The following ZNF791 variants were observed in gnomAD, a reference collection of about 807,000 sequenced individuals.
ZNF791 encodes the protein zinc finger protein 791.
ZNF791 carries 4 observed loss-of-function variants against 11.5 expected under a neutral mutation model. The ratio of observed to expected loss-of-function variants is 0.35; its 90% CI spans 0.17 to 0.80. The LOEUF is 0.80. Ranked by LOEUF, ZNF791 falls within the 30% of genes least tolerant of loss-of-function variation. ZNF791 has a pLI of 0.53. For synonymous variants in ZNF791, 212 were observed against 228.1 expected, an observed-to-expected ratio of 0.93 and a Z score of 0.64; for missense variants, 559 against 699.4, an observed-to-expected ratio of 0.80 and a Z score of 2.26.
chr19:12,628,488 G>T lies in ZNF791; in HGVS notation c.959G>T (p.Arg320Ile), dbSNP rs771632351. Residue 320 changes from arginine to isoleucine, a missense_variant, in exon 4 of 4, where the codon AGA becomes ATA. By Grantham distance (97) the Arg-to-Ile change is moderately conservative. Coordinates refer to ENST00000343325, the MANE Select transcript of ZNF791 (RefSeq NM_153358.3). ...RCSTSIQIHERIHTGEKPYKC... is the reference protein window; with the variant it reads ...RCSTSIQIHEIIHTGEKPYKC... Reference sequence around the variant, plus strand: ...TCCACCTCCATTCAAATTCATGAAAGAATTCATACTGGAGAGAAGCCCTAT... The same window carrying T: ...TCCACCTCCATTCAAATTCATGAAATAATTCATACTGGAGAGAAGCCCTAT... 5.6e-6 allele frequency: 9 copies of T among 1,612,612 alleles called. No individual in the cohort carries two copies. Among genetic ancestry groups the T allele is most frequent in the East Asian group, 2.2e-5 (1 of 44,862 alleles).
chr19:12,627,072 A>G (rs2023440414), intron 3 of ZNF791, among the ~76,000 whole-genome samples: 1 of 150,758 alleles, frequency 6.6e-6, no homozygotes, highest in African/African-American at 2.4e-5. Context: ...TCCCAGCTAC[A>G]TGGGAGGCTG....
chr19:12,628,330 C>T lies in ZNF791; in HGVS notation c.801C>T (p.Asn267=), dbSNP rs769282769. ...TTCTAACACACATGATAACACACAA[C>T]GGAGATAGACCTTATAAATGCAAAG... ...TSVLTHMITH[N]GDRPYKCKEC... is the part of the protein sequence containing the mutation. Residue 267 remains asparagine, a synonymous_variant, in exon 4 of 4, where the codon AAC becomes AAT. Transcript: ENST00000343325. 75 of 1,611,290 alleles carry T rather than the reference C, an allele frequency of 4.7e-5. 1 individual carries two copies. Among genetic ancestry groups the T allele is most frequent in the East Asian group, 4.3e-4 (19 of 44,702 alleles).
At chr19:12,615,501 C>A (rs2023233417) in intron 1 of ZNF791, among the ~76,000 whole-genome samples, 1 of 152,088 alleles carries the variant, frequency 6.6e-6, no homozygotes, top group Admixed American at 6.6e-5. Context: ...ATTGTACCGG[C>A]CGGGCACGAT....
chr19:12,613,729 A>G (rs1044607722), intron 1 of ZNF791, among the ~76,000 whole-genome samples: 2 of 152,158 alleles, frequency 1.3e-5, no homozygotes, highest in Non-Finnish European at 2.9e-5. Flanking sequence ...TGAAGGCCCA[A>G]TTGGTTCTTC....
chr19:12,616,657 C>A (rs1599321100), intron 1 of ZNF791, among the ~76,000 whole-genome samples: 1 of 152,002 alleles, frequency 6.6e-6, no homozygotes, highest in Non-Finnish European at 1.5e-5. Flanking sequence ...TGCACCACTG[C>A]ACTCCACCCT....
At chr19:12,623,878 G>GGGGC in intron 2 of ZNF791, 52 bp downstream of exon 2, 1 of 917,958 alleles carries the variant, frequency 1.1e-6, no homozygotes, top group Non-Finnish European at 1.6e-6. Flanking sequence ...TTTGGGGGGG[G>GGGGC]ACAGAGTTTC....
Position 12,631,072 on chromosome 19 carries a change from T to C in ZNF791, c.*1812T>C, listed in dbSNP as rs1373867318. 6.6e-6 allele frequency: 1 copy of C among 152,226 alleles called. No homozygotes were observed. Among genetic ancestry groups the C allele is most frequent in the African/African-American group, 2.4e-5 (1 of 41,462 alleles). 9.4% of individuals were successfully genotyped at this position (152,226 alleles called of 1,614,324 possible). ...ACTCACCCAGAGCAACTTCTAGTCC[T>C]GCAAGCTATGTTCATGGAGTGTCCT... On this transcript the variant is annotated 3_prime_UTR_variant, in exon 4 of 4. Transcript: ENST00000343325.
chr19:12,615,012 C>T (rs1409292754), intron 1 of ZNF791, among the ~76,000 whole-genome samples: 7 of 49,880 alleles, frequency 1.4e-4, no homozygotes, highest in Admixed American at 2.8e-4. Context: ...CTATGTTCAA[C>T]TTTTTTTTTT....
chr19:12,621,151 C>T (rs2145186152), intron 1 of ZNF791, among the ~76,000 whole-genome samples: 1 of 152,182 alleles, frequency 6.6e-6, no homozygotes, highest in Non-Finnish European at 1.5e-5. Context: ...TCAGTGAAGT[C>T]CCCTGAAAAT....
In ZNF791 at chr19:12,623,746, A is replaced by C. The variant is rs148336286; in HGVS notation, c.50A>C (p.Glu17Ala). ...EDVSVSFSQE[E>A]WALLAPSQKK... is the part of the protein sequence containing the mutation. ...GTGTCTGTGAGCTTCAGCCAGGAGG[A>C]GTGGGCTCTGCTGGCTCCTTCACAG... The change falls in exon 2 of 4, where the codon GAG becomes GCG. Residue 17 changes from glutamate (E) to alanine (A), a missense_variant. Coordinates refer to ENST00000343325, the MANE Select transcript of ZNF791 (RefSeq NM_153358.3). 2 of 1,612,830 alleles carry C rather than the reference A, an allele frequency of 1.2e-6. No homozygotes were observed. Among genetic ancestry groups the C allele is most frequent in the East Asian group, 2.2e-5 (1 of 44,856 alleles).
chr19:12,615,037 T>TTTTG (rs57667202), intron 1 of ZNF791, among the ~76,000 whole-genome samples: 1 of 134,942 alleles, frequency 7.4e-6, no homozygotes, highest in Admixed American at 7.5e-5. Flanking sequence ...TTTTTTTTTT[T>TTTTG]GAGACAGGGT....
At chr19:12,618,930 C>T (rs1203928385) in intron 1 of ZNF791, among the ~76,000 whole-genome samples, 1 of 151,172 alleles carries the variant, frequency 6.6e-6, no homozygotes, top group East Asian at 2.0e-4. Context: ...TCACTGCAAC[C>T]TCCGCCTCCT....
At position 12,611,028 on chromosome 19, in the gene ZNF791, G is replaced by T. The variant is rs1033096002; in HGVS notation, c.-52G>T. ...CTGCATCGGATGCGCTGTACCCTGC[G>T]CTGGCTCCGTGAACCTTAGGGACAA... is the stretch of plus-strand genomic sequence containing the variant. On this transcript the variant is annotated 5_prime_UTR_variant, in exon 1 of 4. Transcript: ENST00000343325. 6.8e-6 allele frequency: 11 copies of T among 1,613,760 alleles called. No homozygotes were observed. Among genetic ancestry groups the T allele is most frequent in the Admixed American group, 1.7e-5 (1 of 59,990 alleles).
In ZNF791 at chr19:12,631,977, T is replaced by C. The variant is rs1240871229; in HGVS notation, c.*2717T>C. ...TAAACTGAAGTGTATTTTTTTTTTTTCGAGACGGAGTCTTGCTCTGTTGCC... is the reference window on the plus strand; with the variant it reads ...TAAACTGAAGTGTATTTTTTTTTTTCCGAGACGGAGTCTTGCTCTGTTGCC... On this transcript the variant is annotated 3_prime_UTR_variant, in exon 4 of 4. Transcript: ENST00000343325. 1 of 151,770 alleles carries C rather than the reference T, an allele frequency of 6.6e-6. No homozygotes were observed. The highest frequency in any genetic ancestry group is 1.5e-5 in the Non-Finnish European group (1 of 67,970). 9.4% of individuals were successfully genotyped at this position (151,770 alleles called of 1,614,324 possible).
chr19:12,629,888 AAC>A lies in ZNF791; in HGVS notation c.*632_*633del, dbSNP rs2040234994. 1 of 151,252 alleles carries A rather than the reference AAC, an allele frequency of 6.6e-6. No homozygotes were observed. The highest frequency in any genetic ancestry group is 1.5e-5 in the Non-Finnish European group (1 of 67,892). The allele number at this position is 151,252 out of a possible 1,614,324, so 9.4% of individuals were successfully genotyped here. On this transcript the variant is annotated 3_prime_UTR_variant, in exon 4 of 4. Transcript: ENST00000343325. ...AAAAAAAAAAAAAAAAAAAAAGTAC[AAC>A]ACAGCTGGGCATGGTCACACCTGTG... is the stretch of plus-strand genomic sequence containing the variant.
rs1045454828 is a variant in ZNF791 at position 12,630,709 on chromosome 19, T to C, written c.*1449T>C. 16 of 152,176 alleles carry C rather than the reference T, an allele frequency of 1.1e-4. No individual in the cohort carries two copies. The highest frequency in any genetic ancestry group is 7.2e-4 in the Admixed American group (11 of 15,248). 9.4% of individuals were successfully genotyped at this position (152,176 alleles called of 1,614,324 possible). On this transcript the variant is annotated 3_prime_UTR_variant, in exon 4 of 4. Transcript: ENST00000343325. ...AACATGGAGGCAGAAGACAATGATATTGATGATCCTCACCCCGTGTAGTCC... is the reference window on the plus strand; with the variant it reads ...AACATGGAGGCAGAAGACAATGATACTGATGATCCTCACCCCGTGTAGTCC...
intron 1 of ZNF791, among the ~76,000 whole-genome samples, chr19:12,611,484 G>T (rs1310734525): frequency 1.3e-5 from 2 of 152,082 alleles, no homozygotes; most frequent in African/African-American, 4.8e-5. Context: ...CCCACGGCGG[G>T]CCATTAATCC....
intron 3 of ZNF791, 111 bp from the exon 4 acceptor site, chr19:12,627,610 G>C: frequency 2.0e-6 from 2 of 1,010,704 alleles, no homozygotes; most frequent in South Asian, 3.4e-5. Context: ...TGGGGAACAA[G>C]AACAAGACTC....
chr19:12,620,152 C>T (rs1226961284), intron 1 of ZNF791, among the ~76,000 whole-genome samples: 2 of 151,938 alleles, frequency 1.3e-5, no homozygotes, highest in Non-Finnish European at 2.9e-5. Flanking sequence ...ATCCACCTGC[C>T]TTGGCCTCCC....
Sources: allele counts gnomAD v4.1 joint callset (sites outside exome capture counted in the v4.1 genomes callset), GRCh38; gene constraint gnomAD v4.1.1; transcripts MANE v1.5; gene names NCBI Gene and HGNC (gene_info 2026-07-23, HGNC 2026-07-21).